CPN1: variants seen among roughly 807,000 people sequenced by gnomAD.
CPN1 encodes carboxypeptidase N catalytic chain.
A neutral mutation model predicts 46.4 loss-of-function variants in CPN1; 37 were observed. That is an observed-to-expected ratio of 0.80 (90% CI 0.61 to 1.05). The LOEUF is 1.05. Among genes scored for constraint, CPN1 ranks in the 50% least tolerant of loss-of-function variants. CPN1 has a pLI of 0.00. For missense variants in CPN1, 563 were observed against 602.6 expected (o/e 0.93, Z 0.69); for synonymous variants, 224 against 235.4 (o/e 0.95, Z 0.44).
At chr10:100,063,246 G>A (rs974146659) in intron 5 of CPN1, among the ~76,000 whole-genome samples, 11 of 151,944 alleles carry the variant, frequency 7.2e-5, no homozygotes, top group African/African-American at 2.2e-4. Context: ...TCAGCCTCCC[G>A]AGTAGCTGGG....
At chr10:100,072,999 T>C (rs1798426432) in intron 2 of CPN1, among the ~76,000 whole-genome samples, 1 of 152,232 alleles carries the variant, frequency 6.6e-6, no homozygotes, top group Admixed American at 6.5e-5. Context: ...GCCGGGAAGC[T>C]ACAATCTCAC....
intron 3 of CPN1, among the ~76,000 whole-genome samples, chr10:100,068,280 C>T (rs1417188273): frequency 1.4e-5 from 2 of 138,404 alleles, no homozygotes. Flanking sequence ...GTGGCACTAT[C>T]TCAGCTCACT....
intron 7 of CPN1, among the ~76,000 whole-genome samples, chr10:100,051,512 C>T (rs2041353079): frequency 6.6e-6 from 1 of 151,970 alleles, no homozygotes; most frequent in Non-Finnish European, 1.5e-5. Flanking sequence ...TGGGTTTTTT[C>T]CCTGATGAAA....
chr10:100,042,755 A>T (rs1407675309), intron 8 of CPN1, among the ~76,000 whole-genome samples, 182 bp from the exon 9 acceptor site: 1 of 152,104 alleles, frequency 6.6e-6, no homozygotes, highest in Non-Finnish European at 1.5e-5. Context: ...GGTGATAGAT[A>T]GAGTGTGACT....
chr10:100,054,778 T>C (rs1391629975), intron 6 of CPN1, among the ~76,000 whole-genome samples: 2 of 152,034 alleles, frequency 1.3e-5, no homozygotes, highest in African/African-American at 4.8e-5. Context: ...AACCACCTTT[T>C]CTCTCCCTTA....
At position 100,069,842 on chromosome 10, in the gene CPN1, C is replaced by T. The variant is rs1206307477; in HGVS notation, c.448G>A (p.Gly150Ser). 1 of 1,613,640 alleles carries T rather than the reference C, an allele frequency of 6.2e-7. No homozygotes were observed. The highest frequency in any genetic ancestry group is 1.7e-5 in the Admixed American group (1 of 59,926). ...QGPNKPGYLV[G>S]RNNANGVDLN... ...TCCACTCCATTTGCATTGTTCCTGC[C>T]AACTAGATACCCAGGCTTGTTTGGG... Residue 150 changes from glycine to serine, a missense_variant, in exon 3 of 9, where the codon GGC becomes AGC. Gly to Ser is a moderately conservative substitution (Grantham distance 56). Coordinates refer to ENST00000370418, the MANE Select transcript of CPN1 (RefSeq NM_001308.3).
At chr10:100,077,090 G>A (rs1438844781) in intron 1 of CPN1, among the ~76,000 whole-genome samples, 1 of 151,990 alleles carries the variant, frequency 6.6e-6, no homozygotes, top group Non-Finnish European at 1.5e-5. Flanking sequence ...TGACTTTTCT[G>A]GTTCTGTACC....
chr10:100,076,963 G>A (rs896489580), intron 1 of CPN1, among the ~76,000 whole-genome samples: 4 of 152,190 alleles, frequency 2.6e-5, no homozygotes, highest in African/African-American at 9.6e-5. Context: ...GGTAAGAATT[G>A]AGGATCTGAA....
intron 5 of CPN1, 139 bp from the exon 6 acceptor site, chr10:100,057,291 G>T: frequency 1.1e-6 from 1 of 936,866 alleles, no homozygotes; most frequent in Non-Finnish European, 1.6e-6. Flanking sequence ...TATTTCATTG[G>T]CACATAATGT....
At position 100,064,274 on chromosome 10, in the gene CPN1, G is replaced by C. The variant is rs138333978; in HGVS notation, c.760-549C>G. Among the ~76,000 whole-genome samples, 771 of 151,448 alleles carry C rather than the reference G, an allele frequency of 5.1e-3. 9 individuals carry two copies. The highest frequency in any genetic ancestry group is 0.017 in the African/African-American group (722 of 41,334). On this transcript the variant is annotated intron_variant, in intron 4 of 8. Coordinates refer to ENST00000370418, the MANE Select transcript of CPN1 (RefSeq NM_001308.3). ...TACAGTGGACAAAGTGAGATCAATG[G>C]AGAAAAAAACAATGTGCTATTCACC... is the stretch of plus-strand genomic sequence containing the variant.
chr10:100,081,346 G>T, intron 1 of CPN1, 57 bp downstream of exon 1: 1 of 1,493,142 alleles, frequency 6.7e-7, no homozygotes, highest in East Asian at 2.4e-5. Context: ...TCCAATTACT[G>T]GATTTGCAAG....
rs2041395131 is a variant in CPN1, at chr10:100,057,999, C to T, written c.872-847G>A. On this transcript the variant is annotated intron_variant, in intron 5 of 8. Transcript: ENST00000370418. ...TTGTGTTGGAAACATCCAGCACCCC[C>T]TTCATTACCTTCTTTTTTTCTTTTC... Among the ~76,000 whole-genome samples the T allele has an allele frequency of 2.0e-5, 3 of 152,244 alleles. No individual in the cohort carries two copies. In the South Asian group the frequency reaches 6.2e-4, roughly 32 times the overall value.
rs1472468604 is a variant in CPN1, at chr10:100,057,270, T to C, written c.872-118A>G. 4.5e-6 allele frequency: 5 copies of C among 1,117,962 alleles called. No individual in the cohort carries two copies. The African/African-American group carries it at 6.3e-5, about 14-fold the overall frequency. 69.3% of individuals were successfully genotyped at this position (1,117,962 alleles called of 1,614,324 possible). On this transcript the variant is annotated intron_variant, in intron 5 of 8. Transcript: ENST00000370418. ...TTTTTATTTATTTGGGAATTACCTT[T>C]TAATTTTATTTATTTCATTGGCACA...
chr10:100,055,488 G>A (rs2041380263), intron 6 of CPN1, among the ~76,000 whole-genome samples: 1 of 151,844 alleles, frequency 6.6e-6, no homozygotes, highest in Non-Finnish European at 1.5e-5. Context: ...TTGGCATAAT[G>A]TCCTCAAGAT....
chr10:100,065,150 C>T, intron 4 of CPN1, 38 bp downstream of exon 4: 4 of 1,600,366 alleles, frequency 2.5e-6, no homozygotes, highest in Non-Finnish European at 3.4e-6. Context: ...TCCTGAGCCC[C>T]AAGTTCCCCT....
At chr10:100,081,201 A>G (rs2041542603) in intron 1 of CPN1, among the ~76,000 whole-genome samples, 1 of 152,222 alleles carries the variant, frequency 6.6e-6, no homozygotes, top group Admixed American at 6.5e-5. Flanking sequence ...AAAGGAGGAA[A>G]GATCTGAAGG....
intron 7 of CPN1, 31 bp from the exon 8 acceptor site, chr10:100,048,907 C>G: frequency 6.5e-7 from 1 of 1,541,306 alleles, no homozygotes; most frequent in Non-Finnish European, 9.0e-7. Flanking sequence ...ACTCAGTCTA[C>G]TGATTAAAAA....
intron 7 of CPN1, among the ~76,000 whole-genome samples, 188 bp from the exon 8 acceptor site, chr10:100,049,064 T>C (rs2041334701): frequency 6.6e-6 from 1 of 152,108 alleles, no homozygotes; most frequent in Non-Finnish European, 1.5e-5. Context: ...GTTCAAGCAA[T>C]TCTCCTGCCT....
intron 2 of CPN1, among the ~76,000 whole-genome samples, chr10:100,073,093 T>G (rs538211107): frequency 6.6e-6 from 1 of 152,204 alleles, no homozygotes; most frequent in Admixed American, 6.5e-5. Flanking sequence ...TTCAGTATTA[T>G]TCTCAGATTT....
Sources: gnomAD v4.1 joint callset for allele counts (sites outside exome capture counted in the v4.1 genomes callset) on GRCh38, gnomAD v4.1.1 for gene constraint, MANE v1.5 for transcripts, NCBI Gene and HGNC (gene_info 2026-07-23, HGNC 2026-07-21) for gene names.